LAMA2: variants seen among roughly 807,000 people sequenced by gnomAD.
LAMA2 encodes laminin subunit alpha 2, also known as laminin subunit alpha-2.
In LAMA2, 269 loss-of-function variants were observed where a neutral mutation model predicts 364.8. The ratio of observed to expected loss-of-function variants is 0.74; its 90% CI spans 0.67 to 0.82. The LOEUF is 0.82. LAMA2 is among the 40% of genes least tolerant of loss of function. The pLI, the probability that LAMA2 is intolerant of heterozygous loss-of-function variation, is 0.00. For synonymous variants in LAMA2, 1,379 were observed against 1,370.6 expected (o/e 1.01, Z -0.14); for missense variants, 3,807 against 3,873.2 (o/e 0.98, Z 0.45).
intron 41 of LAMA2, among the ~76,000 whole-genome samples, chr6:129,430,725 G>A (rs141493576): frequency 9.1e-4 from 139 of 152,218 alleles, no homozygotes; most frequent in African/African-American, 3.2e-3. Context: ...CAGCATTTTG[G>A]GAGGCCGAGG....
At chr6:129,039,389 A>G (rs1786916979) in intron 1 of LAMA2, among the ~76,000 whole-genome samples, 1 of 152,230 alleles carries the variant, frequency 6.6e-6, no homozygotes, top group African/African-American at 2.4e-5. Context: ...TAGATGTATA[A>G]GAAGGCATGA....
intron 1 of LAMA2, among the ~76,000 whole-genome samples, chr6:129,045,072 G>A (rs1048790704): frequency 1.1e-4 from 17 of 152,094 alleles, no homozygotes; most frequent in Admixed American, 8.5e-4. Flanking sequence ...TCATTCATTA[G>A]CAACTAATTG....
chr6:129,147,603 G>A (rs1190921527), intron 6 of LAMA2, among the ~76,000 whole-genome samples: 1 of 151,952 alleles, frequency 6.6e-6, no homozygotes, highest in Non-Finnish European at 1.5e-5. Flanking sequence ...TAATGACAAT[G>A]AATTAAGTGA....
intron 1 of LAMA2, among the ~76,000 whole-genome samples, chr6:129,005,015 G>A (rs1028169829): frequency 1.3e-5 from 2 of 151,924 alleles, no homozygotes; most frequent in Non-Finnish European, 2.9e-5. Context: ...CATCTGCTGA[G>A]TTTTCAGACA....
intron 3 of LAMA2, among the ~76,000 whole-genome samples, chr6:129,066,038 GTTTTTTTT>G (rs544271722): frequency 5.4e-5 from 2 of 37,116 alleles, no homozygotes; most frequent in African/African-American, 1.7e-4. Flanking sequence ...CCAGTCTCAG[GTTTTTTTT>G]TTTTTTTTTT....
intron 4 of LAMA2, among the ~76,000 whole-genome samples, chr6:129,125,891 T>A (rs1317282197): frequency 6.6e-6 from 1 of 152,150 alleles, no homozygotes; most frequent in Non-Finnish European, 1.5e-5. Context: ...ATAACATCAC[T>A]TTGTACCCCA....
chr6:129,047,287 TA>T (rs1355253782), intron 1 of LAMA2, among the ~76,000 whole-genome samples: 23 of 152,372 alleles, frequency 1.5e-4, no homozygotes, highest in South Asian at 1.0e-3. Context: ...GAATGTTTAA[TA>T]TTTCTCTAAC....
At chr6:128,955,630 G>A (rs888692144) in intron 1 of LAMA2, among the ~76,000 whole-genome samples, 7 of 151,804 alleles carry the variant, frequency 4.6e-5, no homozygotes, top group African/African-American at 1.7e-4. Flanking sequence ...AGTTATGGGC[G>A]TTTGGATACA....
chr6:129,125,928 A>G (rs985701451), intron 4 of LAMA2, among the ~76,000 whole-genome samples: 1 of 152,176 alleles, frequency 6.6e-6, no homozygotes, highest in Non-Finnish European at 1.5e-5. Context: ...GAAATTGTCA[A>G]TTTACAATAA....
At chr6:128,998,331 T>TC (rs1289911379) in intron 1 of LAMA2, among the ~76,000 whole-genome samples, 3 of 152,214 alleles carry the variant, frequency 2.0e-5, no homozygotes, top group Non-Finnish European at 4.4e-5. Flanking sequence ...ACAACCTATC[T>TC]CTAGATCTTG....
chr6:129,233,997 G>A (rs796316102), intron 12 of LAMA2, among the ~76,000 whole-genome samples: 12 of 152,226 alleles, frequency 7.9e-5, no homozygotes, highest in African/African-American at 2.9e-4. Context: ...TTCCGCATCT[G>A]ACCAAGGGCA....
At chr6:129,380,520 G>T (rs1778621386) in intron 34 of LAMA2, among the ~76,000 whole-genome samples, 1 of 152,042 alleles carries the variant, frequency 6.6e-6, no homozygotes. Context: ...TCAAATCCAT[G>T]GTGCTATGAA....
At chr6:129,483,018 G>A (rs986758652) in intron 55 of LAMA2, among the ~76,000 whole-genome samples, 1 of 145,824 alleles carries the variant, frequency 6.9e-6, no homozygotes, top group African/African-American at 2.6e-5. Flanking sequence ...AGTGAGCCGA[G>A]ATTGTGCCAT....
intron 1 of LAMA2, among the ~76,000 whole-genome samples, chr6:129,048,481 TTTCTTTCTTTCTTTCC>T (rs1432440409): frequency 0.016 from 1,251 of 75,956 alleles, 7 homozygotes; most frequent in Non-Finnish European, 0.024. Context: ...TCTTTCTTTC[TTTCTTTCTTTCTTTCC>T]TTCCTTCCTT....
chr6:128,909,276 T>A (rs1165317511), intron 1 of LAMA2, among the ~76,000 whole-genome samples: 1 of 152,084 alleles, frequency 6.6e-6, no homozygotes, highest in Non-Finnish European at 1.5e-5. Context: ...AGTCTAAGTC[T>A]CTTTGTAGGT....
chr6:129,348,603 C>T (rs1776690089), intron 30 of LAMA2, among the ~76,000 whole-genome samples: 2 of 151,586 alleles, frequency 1.3e-5, no homozygotes, highest in South Asian at 4.2e-4. Context: ...GCAAGACAGA[C>T]TGGCTGTGGT....
chr6:129,007,807 A>G (rs1470734606), intron 1 of LAMA2, among the ~76,000 whole-genome samples: 5 of 152,202 alleles, frequency 3.3e-5, no homozygotes, highest in Non-Finnish European at 5.9e-5. Flanking sequence ...CCTTTCTGAA[A>G]TACAGGAACA....
chr6:129,302,301 T>A (rs1414752769), intron 22 of LAMA2, among the ~76,000 whole-genome samples: 3 of 152,168 alleles, frequency 2.0e-5, no homozygotes, highest in African/African-American at 7.2e-5. Flanking sequence ...TATTTATTTG[T>A]CATTTATACA....
At chr6:129,436,053 A>G (rs1781815571) in intron 41 of LAMA2, among the ~76,000 whole-genome samples, 1 of 152,218 alleles carries the variant, frequency 6.6e-6, no homozygotes, top group Non-Finnish European at 1.5e-5. Context: ...GGTGTTGACA[A>G]ATAACATGAA....
Sources: allele counts gnomAD v4.1 joint callset (sites outside exome capture counted in the v4.1 genomes callset), GRCh38; gene constraint gnomAD v4.1.1; transcripts MANE v1.5; gene names NCBI Gene and HGNC (gene_info 2026-07-23, HGNC 2026-07-21).